The following CHST15 variants were observed in gnomAD, a reference collection of about 807,000 sequenced individuals.
CHST15 encodes the protein carbohydrate sulfotransferase 15.
Under a neutral mutation model 53.6 loss-of-function variants are expected in CHST15, and 30 were observed. The observed-to-expected ratio is 0.56, with a 90% CI of 0.42 to 0.76. The LOEUF (loss-of-function observed/expected upper bound fraction) is 0.76, where lower values mean the gene tolerates loss of function less well. Ranked by LOEUF, CHST15 falls within the 30% of genes least tolerant of loss-of-function variation. The pLI, the probability that CHST15 is intolerant of heterozygous loss-of-function variation, is 0.00. For missense variants in CHST15, 627 were observed against 740.5 expected, an observed-to-expected ratio of 0.85 and a Z score of 1.78; for synonymous variants, 296 against 289.8, an observed-to-expected ratio of 1.02 and a Z score of -0.22.
In CHST15 at chr10:124,019,737, T is replaced by C. The variant is rs903470922; in HGVS notation, c.1347+1519A>G. The C allele has an allele frequency of 5.0e-5, 49 of 974,122 alleles. No individual in the cohort carries two copies. The highest frequency in any genetic ancestry group is 5.9e-5 in the Non-Finnish European group (48 of 819,730). The allele number at this position is 974,122 out of a possible 1,614,324, so 60.3% of individuals were successfully genotyped here. ...ATTCCTTTTCCACTCCTACACTATC[T>C]TCTGCTTAAAACCCTCTGAGGGGTC... is the stretch of plus-strand genomic sequence containing the variant. On this transcript the variant is annotated intron_variant, in intron 6 of 7. Transcript: ENST00000435907. This position sits in a 1 kb window ranked among gnomAD's most constrained non-coding sequence, Gnocchi z 4.6.
intron 5 of CHST15, among the ~76,000 whole-genome samples, chr10:124,035,253 G>A (rs1947433886): frequency 7.7e-6 from 1 of 130,396 alleles, no homozygotes; most frequent in Admixed American, 7.9e-5. Flanking sequence ...CCCTAACAGG[G>A]ACCCTGGCTC....
chr10:124,078,772 G>A (rs1949153649), intron 1 of CHST15, among the ~76,000 whole-genome samples: 1 of 152,162 alleles, frequency 6.6e-6, no homozygotes. Context: ...AGATCCCTAG[G>A]TTTAATAAGA....
At chr10:124,010,381 G>C (rs1946379009) in intron 7 of CHST15, 42 bp from the exon 8 acceptor site, 1 of 1,501,580 alleles carries the variant, frequency 6.7e-7, no homozygotes, top group African/African-American at 1.4e-5. Context: ...AGGAGGCATG[G>C]CAGGAAGTAA....
intron 4 of CHST15, among the ~76,000 whole-genome samples, chr10:124,039,495 G>A (rs1947653742): frequency 6.6e-6 from 1 of 152,254 alleles, no homozygotes; most frequent in African/African-American, 2.4e-5. Flanking sequence ...AGAGAGAGGG[G>A]CTTTGCCACA....
rs1425871889 is a variant in CHST15 at position 124,036,653 on chromosome 10, C to A, written c.1190+1862G>T. Among the ~76,000 whole-genome samples, 5 of 144,426 alleles carry A rather than the reference C, an allele frequency of 3.5e-5. No individual in the cohort carries two copies. The highest frequency in any genetic ancestry group is 7.5e-5 in the Non-Finnish European group (5 of 66,738). The allele number at this position is 144,426 out of a possible 152,430, so 94.7% of individuals were successfully genotyped here. A position where few individuals can be genotyped will look rare whatever the true frequency, so the allele number is the denominator to read the frequency against. The stretch of plus-strand genomic sequence containing the variant: ...AGCAGGACATAAGACTGTCCTGTCA[C>A]ACCCATGTGCACACACACACACACA... On this transcript the variant is annotated intron_variant, in intron 5 of 7. Coordinates refer to ENST00000435907, the MANE Select transcript of CHST15 (RefSeq NM_001270764.2). The surrounding 1 kb of genome is among the most constrained non-coding windows in gnomAD (Gnocchi z 5.1).
At chr10:124,059,604 G>A (rs780196380) in intron 1 of CHST15, among the ~76,000 whole-genome samples, 10 of 152,208 alleles carry the variant, frequency 6.6e-5, no homozygotes, top group South Asian at 6.2e-4. Flanking sequence ...CCTTCAGGAC[G>A]GGCAGAGGAG....
chr10:124,070,188 A>G (rs912958699), intron 1 of CHST15, among the ~76,000 whole-genome samples: 1 of 152,180 alleles, frequency 6.6e-6, no homozygotes, highest in Non-Finnish European at 1.5e-5. Flanking sequence ...GATCTAGAGT[A>G]AAAACACAAT....
At chr10:124,032,078 T>G (rs1277423554) in intron 5 of CHST15, among the ~76,000 whole-genome samples, 1 of 152,196 alleles carries the variant, frequency 6.6e-6, no homozygotes, top group Non-Finnish European at 1.5e-5. Flanking sequence ...TATAACAGAA[T>G]CCATTTCATT....
chr10:124,077,737 G>C (rs1215141653), intron 1 of CHST15, among the ~76,000 whole-genome samples: 1 of 152,152 alleles, frequency 6.6e-6, no homozygotes, highest in African/African-American at 2.4e-5. Context: ...CTCGCATCTC[G>C]TTCCGGTGGC....
Position 124,045,864 on chromosome 10 carries a change from G to A in CHST15, c.349C>T (p.Pro117Ser). ...CTGTCCATCAAGCTGGGGTTGCTGG[G>A]GAAGCCTCCGTAATGGAAAGGTGAT... The part of the protein sequence containing the change: ...ISSPFHYGGF[P>S]SNPSLMDSEN... Residue 117 changes from proline (P) to serine (S), a missense_variant, in exon 2 of 8, where the codon CCC becomes TCC. This residue lies in a region of CHST15 where 187 missense variants were observed against 251.8 expected (regional missense o/e 0.74). Transcript: ENST00000435907. 1 of 1,613,942 alleles carries A rather than the reference G, an allele frequency of 6.2e-7. No homozygotes were observed. The highest frequency in any genetic ancestry group is 8.5e-7 in the Non-Finnish European group (1 of 1,179,974).
chr10:124,067,951 G>C (rs931804281), intron 1 of CHST15, among the ~76,000 whole-genome samples: 5 of 152,150 alleles, frequency 3.3e-5, no homozygotes, highest in Admixed American at 1.3e-4. Flanking sequence ...CCCAAGGAGA[G>C]TTGGGTTTTC....
rs563683953 is a variant in CHST15, at chr10:124,061,671, TAAAG to T, written c.-512-14951_-512-14948del. ...ATCACTTTTGTAACTACAAAGATAA[TAAAG>T]AAAAAATAATAAATGTTGCACAAAA... is the stretch of plus-strand genomic sequence containing the variant. On this transcript the variant is annotated intron_variant, in intron 1 of 7. Transcript: ENST00000435907. 1.2e-3 allele frequency among the ~76,000 whole-genome samples: 182 copies of T among 152,200 alleles called. 2 individuals are homozygous for T. Among genetic ancestry groups the T allele is most frequent in the African/African-American group, 4.1e-3 (170 of 41,536 alleles).
intron 1 of CHST15, among the ~76,000 whole-genome samples, chr10:124,063,154 G>A (rs550159310): frequency 4.6e-5 from 7 of 152,148 alleles, no homozygotes; most frequent in African/African-American, 9.6e-5. Context: ...AGGCCGAGGC[G>A]GGTGGATCAC....
chr10:124,013,320 G>A (rs1459576999), intron 6 of CHST15, among the ~76,000 whole-genome samples: 1 of 152,176 alleles, frequency 6.6e-6, no homozygotes, highest in Non-Finnish European at 1.5e-5. Flanking sequence ...CACAGCATCT[G>A]CATGTGACGG....
At chr10:124,053,723 G>T (rs1564891055) in intron 1 of CHST15, among the ~76,000 whole-genome samples, 1 of 152,112 alleles carries the variant, frequency 6.6e-6, no homozygotes, top group African/African-American at 2.4e-5. Context: ...ATCTAGACCA[G>T]CTTGGGCAAC....
In CHST15 at chr10:124,019,355, A is replaced by T. The variant is rs1564852071; in HGVS notation, c.1347+1901T>A. On this transcript the variant is annotated intron_variant, in intron 6 of 7. Transcript: ENST00000435907. This position sits in a 1 kb window ranked among gnomAD's most constrained non-coding sequence, Gnocchi z 4.6. ...GCCTGCTCTCTCAGACTCACTCCGT[A>T]GGGGTCCAGGGCCAAGAGTCACAGC... 6.6e-6 allele frequency among the ~76,000 whole-genome samples: 1 copy of T among 152,102 alleles called. No homozygotes were observed. Among genetic ancestry groups the T allele is most frequent in the Non-Finnish European group, 1.5e-5 (1 of 68,002 alleles).
chr10:124,041,467 T>C (rs909808974), intron 4 of CHST15, among the ~76,000 whole-genome samples: 1 of 152,194 alleles, frequency 6.6e-6, no homozygotes, highest in Non-Finnish European at 1.5e-5. Context: ...CTGTAGTTAT[T>C]AATCCTATTA....
At position 124,074,896 on chromosome 10, in the gene CHST15, G is replaced by A. The variant is rs1949023788; in HGVS notation, c.-513+18573C>T. Among the ~76,000 whole-genome samples the A allele has an allele frequency of 6.6e-6, 1 of 152,196 alleles. No homozygotes were observed. The highest frequency in any genetic ancestry group is 1.5e-5 in the Non-Finnish European group (1 of 68,038). On this transcript the variant is annotated intron_variant, in intron 1 of 7. Transcript: ENST00000435907. This position sits in a 1 kb window ranked among gnomAD's most constrained non-coding sequence, Gnocchi z 4.4. Reference sequence around the variant, plus strand: ...TGTGCTAGGCAGTGGGGTGCAGTGTGTGGACAAGACAGACAGGCTCCCAGC... The same window carrying A: ...TGTGCTAGGCAGTGGGGTGCAGTGTATGGACAAGACAGACAGGCTCCCAGC...
At chr10:124,012,264 C>A in intron 7 of CHST15, 69 bp downstream of exon 7, 1 of 1,552,816 alleles carries the variant, frequency 6.4e-7, no homozygotes, top group Non-Finnish European at 8.7e-7. Flanking sequence ...GCATTTGCCC[C>A]AGAGGACTCC....
Sources: gnomAD v4.1 joint callset for allele counts (sites outside exome capture counted in the v4.1 genomes callset) on GRCh38, gnomAD v4.1.1 for gene constraint, gnomAD v4.1.1 regional missense constraint, Gnocchi (gnomAD v3.1) non-coding constraint, MANE v1.5 for transcripts, NCBI Gene and HGNC (gene_info 2026-07-23, HGNC 2026-07-21) for gene names.